MGST2: variants seen among roughly 807,000 people sequenced by gnomAD.
The protein encoded by MGST2 is glutathione peroxidase MGST2.
In MGST2, 9 loss-of-function variants were observed where a neutral mutation model predicts 16.6. The observed-to-expected ratio is 0.54, with a 90% CI of 0.33 to 0.95. MGST2 has a LOEUF of 0.95. Among genes scored for constraint, MGST2 ranks in the 40% least tolerant of loss-of-function variants. The pLI is 0.03. For synonymous variants in MGST2, 79 were observed against 68.0 expected (o/e 1.16, Z -0.79); for missense variants, 159 against 175.1 (o/e 0.91, Z 0.52).
intron 5 of MGST2, among the ~76,000 whole-genome samples, chr4:139,736,806 T>C (rs750456572): frequency 6.6e-6 from 1 of 152,162 alleles, no homozygotes; most frequent in Non-Finnish European, 1.5e-5. Flanking sequence ...CGATGTCCCA[T>C]AGAGAATCAT....
At chr4:139,700,904 T>C (rs1389964042) in intron 3 of MGST2, among the ~76,000 whole-genome samples, 3 of 152,234 alleles carry the variant, frequency 2.0e-5, no homozygotes, top group East Asian at 1.9e-4. Context: ...AAGATTTAAA[T>C]AAACCAAAAT....
Position 139,725,663 on chromosome 4 carries a change from C to A in MGST2, c.*49-14549C>A, listed in dbSNP as rs114054897. The A allele has an allele frequency of 8.0e-4, 1,006 of 1,261,596 alleles. 3 individuals are homozygous for A. The African/African-American group carries it at 0.013, about 16-fold the overall frequency. The allele number at this position is 1,261,596 out of a possible 1,614,324, so 78.2% of individuals were successfully genotyped here. On this transcript the variant is annotated intron_variant, in intron 5 of 5. Coordinates refer to the MGST2 transcript ENST00000616265. ...TTTGAGTATTTCCTGGACACAAATACAGCCAGTAAGGCAATGCCTCTGGCT... is the reference window on the plus strand; with the variant it reads ...TTTGAGTATTTCCTGGACACAAATAAAGCCAGTAAGGCAATGCCTCTGGCT...
intron 5 of MGST2, chr4:139,725,961 A>G: frequency 1.3e-6 from 1 of 745,712 alleles, no homozygotes; most frequent in South Asian, 1.7e-5. Context: ...GAAGAATCAT[A>G]TGCATACAGG....
chr4:139,741,286 G>C (rs556082701), downstream of MGST2, among the ~76,000 whole-genome samples: 1 of 152,166 alleles, frequency 6.6e-6, no homozygotes, highest in Non-Finnish European at 1.5e-5. Context: ...CTCATACCTG[G>C]TCCGTGAGGG....
intron 4 of MGST2, 105 bp downstream of exon 4, chr4:139,703,641 G>A (rs1727396206): frequency 7.4e-6 from 8 of 1,074,520 alleles, no homozygotes; most frequent in Non-Finnish European, 1.1e-5. Flanking sequence ...GAGTTGTGGT[G>A]GCAAAAGTAA....
rs1046714309 is a variant in MGST2, at chr4:139,735,350, A to T, written c.*49-4862A>T. Among the ~76,000 whole-genome samples the T allele has an allele frequency of 6.6e-6, 1 of 151,766 alleles. No individual in the cohort carries two copies. Among genetic ancestry groups the T allele is most frequent in the African/African-American group, 2.4e-5 (1 of 41,278 alleles). On this transcript the variant is annotated intron_variant, in intron 5 of 5. Transcript: ENST00000616265. The surrounding 1 kb of genome is among the most constrained non-coding windows in gnomAD (Gnocchi z 5.8). ...CCGACTGACACTGAACTGGTTTCTC[A>T]TTACCGACTTTTCTTCCAGCCGGAG... is the stretch of plus-strand genomic sequence containing the variant.
At chr4:139,694,873 A>C (rs1000269194) in intron 2 of MGST2, among the ~76,000 whole-genome samples, 2 of 152,242 alleles carry the variant, frequency 1.3e-5, no homozygotes, top group African/African-American at 2.4e-5. Flanking sequence ...AATCTCTTGA[A>C]TATGAATTGA....
At chr4:139,750,254 C>T in the MGST2 span, among the ~76,000 whole-genome samples, 10,190 of 152,232 alleles carry the variant, frequency 0.067, 502 homozygotes, top group East Asian at 0.095. Context: ...GGTGACAATT[C>T]CCCAGTCCTT....
intron 2 of MGST2, among the ~76,000 whole-genome samples, chr4:139,687,046 C>T (rs1291686781): frequency 6.6e-6 from 1 of 152,172 alleles, no homozygotes; most frequent in East Asian, 1.9e-4. Flanking sequence ...AAACTGAACA[C>T]CATTTCCAAG....
rs181556546 is a variant in MGST2 at position 139,698,241 on chromosome 4, A to G, written c.229+2974A>G. On this transcript the variant is annotated intron_variant, in intron 3 of 4. Transcript: ENST00000265498. ...GATAGCACACAGGTTGGTGTCTTCAAAAAGGCCAACCAGATAGGCCTCACT... is the reference window on the plus strand; with the variant it reads ...GATAGCACACAGGTTGGTGTCTTCAGAAAGGCCAACCAGATAGGCCTCACT... The G allele has an allele frequency of 7.4e-3, 8,556 of 1,157,222 alleles. 145 individuals are homozygous for G. Among genetic ancestry groups the G allele is most frequent in the South Asian group, 0.039 (3,125 of 79,354 alleles). The allele number at this position is 1,157,222 out of a possible 1,614,324, so 71.7% of individuals were successfully genotyped here. A position where few individuals can be genotyped will look rare whatever the true frequency, so the allele number is the denominator to read the frequency against.
At chr4:139,742,297 T>C (rs1274367848), downstream of MGST2, among the ~76,000 whole-genome samples, 1 of 152,122 alleles carries the variant, frequency 6.6e-6, no homozygotes, top group Non-Finnish European at 1.5e-5. Context: ...TACAGGCGTG[T>C]GCCACCACGC....
chr4:139,683,157 G>C (rs1731353405), intron 2 of MGST2, among the ~76,000 whole-genome samples: 1 of 152,242 alleles, frequency 6.6e-6, no homozygotes, highest in Non-Finnish European at 1.5e-5. Flanking sequence ...AGCTTTTTTA[G>C]ACTTGAGGGT....
intron 1 of MGST2, among the ~76,000 whole-genome samples, chr4:139,671,333 G>A (rs951260584): frequency 6.6e-6 from 1 of 152,104 alleles, no homozygotes; most frequent in Non-Finnish European, 1.5e-5. Flanking sequence ...GAGAAAGCTA[G>A]GGAAAGAGGA....
At chr4:139,730,437 CTG>C in intron 5 of MGST2, 1 of 1,531,022 alleles carries the variant, frequency 6.5e-7, no homozygotes, top group South Asian at 1.2e-5. Context: ...AAATCTGCTG[CTG>C]CTGCTGCTGC....
At chr4:139,733,743 G>A (rs1414525188) in intron 5 of MGST2, among the ~76,000 whole-genome samples, 4 of 152,142 alleles carry the variant, frequency 2.6e-5, no homozygotes, top group African/African-American at 9.7e-5. Context: ...GGGGTGCAGT[G>A]GTATGATCAT....
chr4:139,691,515 A>T (rs1726578677), intron 2 of MGST2, among the ~76,000 whole-genome samples: 1 of 152,106 alleles, frequency 6.6e-6, no homozygotes. Flanking sequence ...GCAGAAGGAC[A>T]TGGTCACATG....
At chr4:139,667,246 A>G (rs1730412776) in intron 1 of MGST2, among the ~76,000 whole-genome samples, 1 of 152,160 alleles carries the variant, frequency 6.6e-6, no homozygotes, top group South Asian at 2.1e-4. Flanking sequence ...ATGTACGGAG[A>G]AACCTTTAGG....
At chr4:139,719,349 G>T in intron 5 of MGST2, 1 of 1,599,612 alleles carries the variant, frequency 6.3e-7, no homozygotes, top group Non-Finnish European at 8.5e-7. Context: ...AATTCATCAA[G>T]CTCCTGCATC....
At chr4:139,676,093 A>T (rs187850664) in intron 1 of MGST2, among the ~76,000 whole-genome samples, 1 of 152,266 alleles carries the variant, frequency 6.6e-6, no homozygotes, top group Admixed American at 6.5e-5. Flanking sequence ...ATCTCCAGGC[A>T]ATCTTTATGT....
Sources: allele counts gnomAD v4.1 joint callset (sites outside exome capture counted in the v4.1 genomes callset), GRCh38; gene constraint gnomAD v4.1.1; non-coding constraint Gnocchi (gnomAD v3.1); transcripts MANE v1.5; gene names NCBI Gene and HGNC (gene_info 2026-07-23, HGNC 2026-07-21).